Variants in IL17B observed in about 807,000 individuals in gnomAD.
IL17B encodes the protein interleukin 17B.
Under a neutral mutation model 14.7 loss-of-function variants are expected in IL17B, and 14 were observed. The ratio of observed to expected loss-of-function variants is 0.95; its 90% CI spans 0.63 to 1.49. The LOEUF is 1.49. Ranked by LOEUF, IL17B falls within the 40% of genes most tolerant of loss-of-function variation. The pLI, the probability that IL17B is intolerant of heterozygous loss-of-function variation, is 0.00. For synonymous variants in IL17B, 105 were observed against 94.8 expected (o/e 1.11, Z -0.62); for missense variants, 233 against 252.8 (o/e 0.92, Z 0.53).
upstream of IL17B, chr5:149,379,322 T>C: frequency 6.9e-7 from 1 of 1,447,656 alleles, no homozygotes; most frequent in South Asian, 1.2e-5. Flanking sequence ...GAAGCAATTA[T>C]AGCTCAACTG....
chr5:149,393,040 C>T (rs910888179), intron 1 of IL17B, among the ~76,000 whole-genome samples: 30 of 151,542 alleles, frequency 2.0e-4, no homozygotes, highest in African/African-American at 6.3e-4. Flanking sequence ...CGTGTGTGTG[C>T]GTGTGTGTGC....
At chr5:149,402,421 A>C (rs972401784) in intron 1 of IL17B, among the ~76,000 whole-genome samples, 1 of 152,122 alleles carries the variant, frequency 6.6e-6, no homozygotes, top group East Asian at 1.9e-4. Flanking sequence ...GGCGATCAAC[A>C]TAAAAGGTGT....
upstream of IL17B, among the ~76,000 whole-genome samples, chr5:149,382,786 C>T (rs1758730145): frequency 1.3e-5 from 2 of 152,250 alleles, no homozygotes; most frequent in Non-Finnish European, 2.9e-5. Flanking sequence ...CCGGTAGGTT[C>T]GGGTGCTCAC....
At chr5:149,393,131 T>G (rs1012167386) in intron 1 of IL17B, among the ~76,000 whole-genome samples, 1 of 152,122 alleles carries the variant, frequency 6.6e-6, no homozygotes, top group Non-Finnish European at 1.5e-5. Context: ...ATTGTACAAA[T>G]AGAAAAACTG....
intron 1 of IL17B, among the ~76,000 whole-genome samples, chr5:149,396,184 C>G (rs1416056396): frequency 6.6e-6 from 1 of 152,142 alleles, no homozygotes; most frequent in African/African-American, 2.4e-5. Context: ...TTTGAAGATT[C>G]AGTTGAAATC....
At chr5:149,384,989 G>A (rs1370174396) in intron 1 of IL17B, among the ~76,000 whole-genome samples, 1 of 150,294 alleles carries the variant, frequency 6.7e-6, no homozygotes, top group Non-Finnish European at 1.5e-5. Context: ...GCTCACTGCA[G>A]CCTCCGCCTC....
At chr5:149,396,762 CA>C (rs930432527) in intron 1 of IL17B, among the ~76,000 whole-genome samples, 1 of 151,392 alleles carries the variant, frequency 6.6e-6, no homozygotes, top group African/African-American at 2.4e-5. Context: ...AACCCTGACT[CA>C]AAAAAAATAA....
upstream of IL17B, among the ~76,000 whole-genome samples, chr5:149,383,508 G>A (rs1447485547): frequency 6.6e-6 from 1 of 152,124 alleles, no homozygotes; most frequent in African/African-American, 2.4e-5. Flanking sequence ...CGACCAGGAG[G>A]GTGCAGCCCC....
At position 149,375,330 on chromosome 5, in the gene IL17B, G is replaced by C. The variant is rs375175987; in HGVS notation, c.312-730C>G. On this transcript the variant is annotated intron_variant, in intron 2 of 2. Coordinates refer to ENST00000261796, the MANE Select transcript of IL17B (RefSeq NM_014443.3). ...TGTGACCTCTCCTTTTCTGCACCTCGGTTTCCCCATCTGCTAAATACGGGA... is the reference window on the plus strand; with the variant it reads ...TGTGACCTCTCCTTTTCTGCACCTCCGTTTCCCCATCTGCTAAATACGGGA... Among the ~76,000 whole-genome samples the C allele has an allele frequency of 2.4e-4, 37 of 152,256 alleles. 1 individual carries two copies. The highest frequency in any genetic ancestry group is 8.9e-4 in the African/African-American group (37 of 41,526).
intron 1 of IL17B, among the ~76,000 whole-genome samples, chr5:149,400,598 C>G (rs1236087647): frequency 6.6e-6 from 1 of 152,226 alleles, no homozygotes; most frequent in Admixed American, 6.5e-5. Flanking sequence ...GGAGCTCCCC[C>G]TCCAGAGTCC....
At chr5:149,379,023 A>C (rs1447542830) in intron 1 of IL17B, among the ~76,000 whole-genome samples, 182 bp downstream of exon 1, 1 of 152,226 alleles carries the variant, frequency 6.6e-6, no homozygotes, top group Non-Finnish European at 1.5e-5. Flanking sequence ...AGGAGCCTGC[A>C]CTGCTGGCCA....
upstream of IL17B, among the ~76,000 whole-genome samples, chr5:149,380,076 G>A (rs925401089): frequency 1.3e-5 from 2 of 152,098 alleles, no homozygotes; most frequent in East Asian, 1.9e-4. Flanking sequence ...GGTGGTCTCC[G>A]CTCTCAGAGA....
At chr5:149,395,389 C>T (rs1759071883) in intron 1 of IL17B, among the ~76,000 whole-genome samples, 1 of 152,172 alleles carries the variant, frequency 6.6e-6, no homozygotes, top group African/African-American at 2.4e-5. Flanking sequence ...TTCCCATCTT[C>T]TGTGCCATGT....
At chr5:149,392,336 T>C (rs1452819082) in intron 1 of IL17B, among the ~76,000 whole-genome samples, 1 of 152,226 alleles carries the variant, frequency 6.6e-6, no homozygotes, top group East Asian at 1.9e-4. Flanking sequence ...TGCTCATCCT[T>C]ATAGGATGGG....
At chr5:149,379,388 C>G, upstream of IL17B, 1 of 786,382 alleles carries the variant, frequency 1.3e-6, no homozygotes, top group Non-Finnish European at 2.1e-6. Context: ...GCCTTGGGCC[C>G]CCAGCTGGCT....
intron 1 of IL17B, among the ~76,000 whole-genome samples, chr5:149,402,440 C>T (rs1759223993): frequency 6.6e-6 from 1 of 152,100 alleles, no homozygotes; most frequent in South Asian, 2.1e-4. Context: ...GTGTTACATC[C>T]TTCTCTCAGG....
intron 1 of IL17B, among the ~76,000 whole-genome samples, chr5:149,401,151 G>A (rs1361424825): frequency 2.0e-5 from 3 of 152,306 alleles, no homozygotes; most frequent in South Asian, 2.1e-4. Flanking sequence ...GGACAATTTT[G>A]TGGTTTTCAA....
At chr5:149,401,274 T>C (rs1268799586) in intron 1 of IL17B, among the ~76,000 whole-genome samples, 1 of 152,256 alleles carries the variant, frequency 6.6e-6, no homozygotes, top group African/African-American at 2.4e-5. Context: ...GAATAATTGC[T>C]TTCCTGCACA....
Position 149,392,728 on chromosome 5 carries a change from T to C in IL17B, n.95+11380A>G, listed in dbSNP as rs540382049. On this transcript the variant is annotated intron_variant and non_coding_transcript_variant, in intron 1 of 2. Transcript: ENST00000505432. ...AGATATTATCTATTCAAACAATAAATACTATTTTTAAATGAAAACATAAAT... is the reference window on the plus strand; with the variant it reads ...AGATATTATCTATTCAAACAATAAACACTATTTTTAAATGAAAACATAAAT... Among the ~76,000 whole-genome samples, 5 of 152,340 alleles carry C rather than the reference T, an allele frequency of 3.3e-5. No individual in the cohort carries two copies. In the South Asian group the frequency reaches 1.0e-3, roughly 32 times the overall value.
Sources: gnomAD v4.1 joint callset for allele counts (sites outside exome capture counted in the v4.1 genomes callset) on GRCh38, gnomAD v4.1.1 for gene constraint, MANE v1.5 for transcripts, NCBI Gene and HGNC (gene_info 2026-07-23, HGNC 2026-07-21) for gene names.